TMEM276: variants seen among roughly 807,000 people sequenced by gnomAD.
The protein encoded by TMEM276 is transmembrane protein 276.
At chr8:144,466,461 C>T in the TMEM276 span, 17 of 1,362,204 alleles carry the variant, frequency 1.2e-5, no homozygotes, top group Middle Eastern at 2.0e-4. Context: ...TCTTCTACAG[C>T]CTCTTCCGCA....
chr8:144,465,050 G>A, the TMEM276 span: 50 of 1,533,168 alleles, frequency 3.3e-5, no homozygotes, highest in Admixed American at 1.2e-4. Context: ...GATGTTAGGA[G>A]AAGTTCAGTC....
At chr8:144,465,164 G>C in the TMEM276 span, 1 of 1,368,844 alleles carries the variant, frequency 7.3e-7, no homozygotes, top group Non-Finnish European at 9.6e-7. Context: ...AAGCTGGGGG[G>C]AACGTCAGCC....
the TMEM276 span, chr8:144,463,859 G>C: frequency 7.3e-7 from 1 of 1,362,322 alleles, no homozygotes; most frequent in African/African-American, 1.5e-5. Context: ...TTGGAGACTA[G>C]GCCTCTTCTC....
At chr8:144,464,839 C>T in the TMEM276 span, 3 of 1,612,892 alleles carry the variant, frequency 1.9e-6, no homozygotes, top group East Asian at 2.2e-5. Flanking sequence ...CGTGCAGAGA[C>T]ACCACTCCCA....
chr8:144,466,527 G>A, the TMEM276 span: 1 of 1,238,614 alleles, frequency 8.1e-7, no homozygotes, highest in Non-Finnish European at 1.0e-6. Flanking sequence ...AGGTGAGCGG[G>A]GCTGGCCGTG....
At chr8:144,464,965 G>A in the TMEM276 span, 1,558,395 of 1,585,018 alleles carry the variant, frequency 0.98, 767,973 homozygotes, top group Non-Finnish European at 1. Flanking sequence ...GGAGAGGAAG[G>A]AAGCGCAGAA....
the TMEM276 span, chr8:144,465,339 C>T: frequency 7.3e-6 from 8 of 1,091,580 alleles, no homozygotes; most frequent in Non-Finnish European, 9.0e-6. Context: ...GGGAGGCCAG[C>T]CGTGCGCAGT....
chr8:144,464,331 C>T, the TMEM276 span: 24 of 1,612,404 alleles, frequency 1.5e-5, no homozygotes, highest in Non-Finnish European at 2.0e-5. Flanking sequence ...TGAGGATGGT[C>T]ACTGCGACCA....
At chr8:144,465,078 C>T in the TMEM276 span, 1 of 1,527,786 alleles carries the variant, frequency 6.5e-7, no homozygotes, top group South Asian at 1.2e-5. Context: ...TTCCGGATCC[C>T]TGAGGCCACT....
At chr8:144,466,642 T>C in the TMEM276 span, 164 of 973,096 alleles carry the variant, frequency 1.7e-4, no homozygotes, top group Non-Finnish European at 2.2e-4. Flanking sequence ...GACCCTCGGC[T>C]CGGCCCCGAT....
chr8:144,466,952 C>T, the TMEM276 span: 24 of 1,590,082 alleles, frequency 1.5e-5, no homozygotes, highest in Admixed American at 2.5e-4. Flanking sequence ...TCCTCCCTGA[C>T]CGGCAGCCAG....
At chr8:144,464,314 G>A in the TMEM276 span, 19 of 1,612,938 alleles carry the variant, frequency 1.2e-5, no homozygotes, top group South Asian at 1.1e-5. Flanking sequence ...CGTGAAGACA[G>A]CTACAATGAG....
the TMEM276 span, chr8:144,464,616 TC>T: frequency 6.2e-7 from 1 of 1,604,510 alleles, no homozygotes; most frequent in African/African-American, 1.3e-5. Context: ...GACTTGCCTG[TC>T]AACACAGGGA....
the TMEM276 span, chr8:144,466,533 C>G: frequency 8.5e-7 from 1 of 1,177,508 alleles, no homozygotes; most frequent in Non-Finnish European, 1.1e-6. Flanking sequence ...GCGGGGCTGG[C>G]CGTGCAGCCC....
At chr8:144,465,382 G>T in the TMEM276 span, 1 of 1,031,336 alleles carries the variant, frequency 9.7e-7, no homozygotes, top group South Asian at 3.2e-5. Flanking sequence ...GCAGCGGCGA[G>T]CGGGAGGCCC....
the TMEM276 span, chr8:144,465,417 C>T: frequency 4.9e-6 from 5 of 1,012,782 alleles, no homozygotes; most frequent in Non-Finnish European, 5.9e-6. Context: ...CACCGCCCAC[C>T]GCCGTCGGCC....
the TMEM276 span, chr8:144,463,915 G>A: frequency 7.0e-7 from 1 of 1,422,610 alleles, no homozygotes; most frequent in Non-Finnish European, 9.1e-7. Flanking sequence ...CCCCAAACGT[G>A]TCTGGGACCC....
At chr8:144,464,141 G>A in the TMEM276 span, 1 of 1,610,164 alleles carries the variant, frequency 6.2e-7, no homozygotes, top group South Asian at 1.1e-5. Flanking sequence ...TCCCACTGGA[G>A]GCGCTGTGTA....
chr8:144,464,324 G>C, the TMEM276 span: 9 of 1,612,680 alleles, frequency 5.6e-6, no homozygotes, highest in Non-Finnish European at 6.8e-6. Flanking sequence ...GCTACAATGA[G>C]GATGGTCACT....
Sources: allele counts gnomAD v4.1 joint callset, GRCh38; gene constraint gnomAD v4.1.1; transcripts MANE v1.5; gene names NCBI Gene and HGNC (gene_info 2026-07-23, HGNC 2026-07-21).